The following SMPDL3A variants were observed in gnomAD, a reference collection of about 807,000 sequenced individuals.
SMPDL3A encodes sphingomyelin phosphodiesterase acid like 3A.
Under a neutral mutation model 38.5 loss-of-function variants are expected in SMPDL3A, and 39 were observed. The observed-to-expected ratio is 1.01, with a 90% confidence interval of 0.78 to 1.32. The LOEUF (loss-of-function observed/expected upper bound fraction) is 1.32. Among genes scored for constraint, SMPDL3A ranks in the 40% most tolerant of loss-of-function variants. SMPDL3A has a pLI of 0.00. For missense variants in SMPDL3A, 502 were observed against 536.2 expected (o/e 0.94, Z 0.63); for synonymous variants, 180 against 194.3 (o/e 0.93, Z 0.61).
intron 3 of SMPDL3A, among the ~76,000 whole-genome samples, chr6:122,797,983 C>T (rs936188729): frequency 1.3e-5 from 2 of 152,202 alleles, no homozygotes; most frequent in African/African-American, 4.8e-5. Flanking sequence ...TCCTTTTGCA[C>T]ATCCCTTGCC....
At chr6:122,798,436 G>A (rs969779596) in intron 3 of SMPDL3A, among the ~76,000 whole-genome samples, 1 of 152,078 alleles carries the variant, frequency 6.6e-6, no homozygotes, top group Non-Finnish European at 1.5e-5. Flanking sequence ...TCTTTAACCA[G>A]CCCTGCTTTC....
chr6:122,799,961 CTTTTTTT>C (rs112956534), intron 3 of SMPDL3A, among the ~76,000 whole-genome samples: 1,582 of 124,532 alleles, frequency 0.013, 25 homozygotes, highest in African/African-American at 0.043. Flanking sequence ...TCAGTATTTA[CTTTTTTT>C]TTTTTTTTTT....
rs1372889854 is a variant in SMPDL3A, at chr6:122,809,270, T to C, written c.1224T>C (p.Asn408=). ...GTAAGCAGTTTATAAAATACTACAA[T>C]TACTTCTTTGTGAGTTATGACAGCA... The part of the protein sequence containing the change: ...LDSKQFIKYY[N]YFFVSYDSSV... The change falls in exon 8 of 8, where the codon AAT becomes AAC. Residue 408 remains asparagine (N), a synonymous_variant. Transcript: ENST00000368440. 1 of 1,613,984 alleles carries C rather than the reference T, an allele frequency of 6.2e-7. No individual in the cohort carries two copies. The highest frequency in any genetic ancestry group is 1.7e-5 in the Admixed American group (1 of 60,036).
At position 122,789,319 on chromosome 6, in the gene SMPDL3A, A is replaced by C. The variant is rs1441335867; in HGVS notation, c.-28A>C. 1.3e-6 allele frequency: 2 copies of C among 1,495,598 alleles called. No homozygotes were observed. The highest frequency in any genetic ancestry group is 2.0e-5 in the Admixed American group (1 of 49,710). 92.6% of individuals were successfully genotyped at this position (1,495,598 alleles called of 1,614,324 possible). A position where few individuals can be genotyped will look rare whatever the true frequency, so the allele number is the denominator to read the frequency against. ...CCGAGTGGAGCTGCGGGACAGCCCG[A>C]ACCTCCAGGTCAGCCCCGCGGCCCT... On this transcript the variant is annotated 5_prime_UTR_variant, in exon 1 of 8. Transcript: ENST00000368440.
chr6:122,808,629 T>C (rs879459062), intron 7 of SMPDL3A, among the ~76,000 whole-genome samples: 3,047 of 65,154 alleles, frequency 0.047, 69 homozygotes, highest in Non-Finnish European at 0.071. Context: ...CTTCCTTCCT[T>C]CCTTCCTTCC....
At chr6:122,800,399 G>T (rs1256002385) in intron 3 of SMPDL3A, among the ~76,000 whole-genome samples, 1 of 152,172 alleles carries the variant, frequency 6.6e-6, no homozygotes, top group Non-Finnish European at 1.5e-5. Context: ...CAGTTCAGAA[G>T]ACTTTGTTAA....
Position 122,803,661 on chromosome 6 carries a change from T to G in SMPDL3A, c.569-3T>G. 1 of 1,607,726 alleles carries G rather than the reference T, an allele frequency of 6.2e-7. No homozygotes were observed. The highest frequency in any genetic ancestry group is 8.5e-7 in the Non-Finnish European group (1 of 1,176,158). The stretch of plus-strand genomic sequence containing the variant: ...TAAATGTGTTTTAAAATTGTTTTTA[T>G]AGGTGGTTTTTATTCACAGAAAGTT... On this transcript the variant is annotated splice_region_variant and splice_polypyrimidine_tract_variant and intron_variant, in intron 4 of 7. Transcript: ENST00000368440.
chr6:122,805,845 G>A lies in SMPDL3A; in HGVS notation c.920-388G>A, dbSNP rs561572164. 3.9e-5 allele frequency among the ~76,000 whole-genome samples: 6 copies of A among 152,180 alleles called. No individual in the cohort carries two copies. The East Asian group carries it at 9.7e-4, about 25-fold the overall frequency. ...CTTGACCTAGTGATCTGCCCGCCTCGGCCTCCCAAAGTGCTGGGATTACAG... is the reference window on the plus strand; with the variant it reads ...CTTGACCTAGTGATCTGCCCGCCTCAGCCTCCCAAAGTGCTGGGATTACAG... On this transcript the variant is annotated intron_variant, in intron 6 of 7. Coordinates refer to ENST00000368440, the MANE Select transcript of SMPDL3A (RefSeq NM_006714.5).
At chr6:122,791,064 G>T (rs964619672) in intron 1 of SMPDL3A, among the ~76,000 whole-genome samples, 13 of 152,132 alleles carry the variant, frequency 8.5e-5, no homozygotes, top group Admixed American at 8.5e-4. Flanking sequence ...AATATTTTGC[G>T]TATTTTCCAC....
chr6:122,806,546 C>T lies in SMPDL3A; in HGVS notation c.1044+189C>T, dbSNP rs1242556074. 3.9e-5 allele frequency among the ~76,000 whole-genome samples: 6 copies of T among 152,282 alleles called. No homozygotes were observed. The South Asian group carries it at 8.3e-4, about 21-fold the overall frequency. Reference sequence around the variant, plus strand: ...CTAAGTGTGAGCTGATGAAGTTAGTCTTTGGAAGGCTGTTTCTGTTCTGTT... The same window carrying T: ...CTAAGTGTGAGCTGATGAAGTTAGTTTTTGGAAGGCTGTTTCTGTTCTGTT... On this transcript the variant is annotated intron_variant, in intron 7 of 7. Transcript: ENST00000368440.
chr6:122,797,815 G>C (rs1781300241), intron 3 of SMPDL3A, among the ~76,000 whole-genome samples: 1 of 152,148 alleles, frequency 6.6e-6, no homozygotes, highest in Admixed American at 6.5e-5. Flanking sequence ...GATAGAAAAA[G>C]TTTGCTGACC....
At chr6:122,791,755 G>A (rs1272226805) in intron 1 of SMPDL3A, among the ~76,000 whole-genome samples, 2 of 152,042 alleles carry the variant, frequency 1.3e-5, no homozygotes, top group Admixed American at 6.5e-5. Context: ...CTGCAGTGGC[G>A]CAATCTCGGC....
chr6:122,791,588 A>G (rs1562346321), intron 1 of SMPDL3A, among the ~76,000 whole-genome samples: 1 of 152,190 alleles, frequency 6.6e-6, no homozygotes, highest in Non-Finnish European at 1.5e-5. Context: ...AAGTTATAAA[A>G]TATTTTGGAT....
In SMPDL3A at chr6:122,807,151, T is replaced by C. The variant is rs528104607; in HGVS notation, c.1044+794T>C. Among the ~76,000 whole-genome samples the C allele has an allele frequency of 3.9e-4, 59 of 152,162 alleles. 1 individual carries two copies. Among genetic ancestry groups the C allele is most frequent in the African/African-American group, 1.3e-3 (52 of 41,526 alleles). ...CTTGGGCTCAAGTGATCCTCCCACATTGGCCTTCCAAATTGCTGGTATTAC... is the reference window on the plus strand; with the variant it reads ...CTTGGGCTCAAGTGATCCTCCCACACTGGCCTTCCAAATTGCTGGTATTAC... On this transcript the variant is annotated intron_variant, in intron 7 of 7. Coordinates refer to ENST00000368440, the MANE Select transcript of SMPDL3A (RefSeq NM_006714.5).
chr6:122,802,416 G>T (rs1781457512), intron 4 of SMPDL3A, among the ~76,000 whole-genome samples: 1 of 152,038 alleles, frequency 6.6e-6, no homozygotes. Context: ...TGGTCAGGCT[G>T]GTCTCGGGCT....
At chr6:122,791,529 A>G (rs1426984161) in intron 1 of SMPDL3A, among the ~76,000 whole-genome samples, 3 of 152,214 alleles carry the variant, frequency 2.0e-5, no homozygotes, top group Non-Finnish European at 4.4e-5. Context: ...CAAATAAGGC[A>G]TAAGGCGAGC....
In SMPDL3A at chr6:122,795,695, C is replaced by T. The variant is rs555645427; in HGVS notation, c.131C>T (p.Thr44Ile). ...TCAACAGGACAGTTTTGGCATGTGACTGACTTACACTTAGACCCTACTTAC... is the reference window on the plus strand; with the variant it reads ...TCAACAGGACAGTTTTGGCATGTGATTGACTTACACTTAGACCCTACTTAC... ...PPAIGQFWHV[T>I]DLHLDPTYHI... Residue 44 changes from threonine to isoleucine, a missense_variant, in exon 2 of 8, where the codon ACT becomes ATT. Coordinates refer to ENST00000368440, the MANE Select transcript of SMPDL3A (RefSeq NM_006714.5). 2.2e-5 allele frequency: 35 copies of T among 1,613,842 alleles called. No homozygotes were observed. Among genetic ancestry groups the T allele is most frequent in the Non-Finnish European group, 2.7e-5 (32 of 1,179,836 alleles).
chr6:122,791,786 C>T (rs1296802113), intron 1 of SMPDL3A, among the ~76,000 whole-genome samples: 1 of 152,172 alleles, frequency 6.6e-6, no homozygotes, highest in African/African-American at 2.4e-5. Flanking sequence ...CTCCGCCTCC[C>T]GGGTTCACGC....
chr6:122,805,622 C>T (rs921759009), intron 6 of SMPDL3A, among the ~76,000 whole-genome samples: 1 of 152,160 alleles, frequency 6.6e-6, no homozygotes, highest in African/African-American at 2.4e-5. Context: ...CAAGATTTTT[C>T]AGTTTTTTTG....
Sources: gnomAD v4.1 joint callset for allele counts (sites outside exome capture counted in the v4.1 genomes callset) on GRCh38, gnomAD v4.1.1 for gene constraint, MANE v1.5 for transcripts, NCBI Gene and HGNC (gene_info 2026-07-23, HGNC 2026-07-21) for gene names.